Variants in TRIM37 observed in about 807,000 individuals in gnomAD.
The protein encoded by TRIM37 is E3 ubiquitin-protein ligase TRIM37.
In TRIM37, 80 loss-of-function variants were observed where a neutral mutation model predicts 129.8. That is an observed-to-expected ratio of 0.62 (90% CI 0.51 to 0.74). TRIM37 has a LOEUF of 0.74. Among genes scored for constraint, TRIM37 ranks in the 30% least tolerant of loss-of-function variants. The pLI is 0.00. For missense variants in TRIM37, 1,054 were observed against 1,176.5 expected (o/e 0.90, Z 1.52); for synonymous variants, 389 against 387.1 (o/e 1.00, Z -0.06).
intron 24 of TRIM37, among the ~76,000 whole-genome samples, chr17:58,992,297 TTATATATA>T (rs1242834616): frequency 1.5e-5 from 2 of 134,010 alleles, no homozygotes; most frequent in Admixed American, 1.6e-4. Flanking sequence ...TTATATATAT[TTATATATA>T]TATAAATACA....
At chr17:59,007,525 C>T (rs1211223376) in intron 22 of TRIM37, among the ~76,000 whole-genome samples, 1 of 151,966 alleles carries the variant, frequency 6.6e-6, no homozygotes, top group Non-Finnish European at 1.5e-5. Flanking sequence ...TTTTGAGTAC[C>T]CCTGATTTAA....
chr17:59,049,290 T>G lies in TRIM37; in HGVS notation c.1418A>C (p.Lys473Thr), dbSNP rs2040123645. ...AAGCATGTCAGAGCATGCAGACTTC[T>G]TAGCTCGTGTCTCCAGAGCATCATC... Reference protein sequence around the residue: ...QNDDALETRAKKSACSDMLLE... With the variant: ...QNDDALETRATKSACSDMLLE... Residue 473 changes from lysine (K) to threonine (T), a missense_variant, in exon 15 of 24, where the codon AAG becomes ACG. Around this residue, in one of 3 missense-constraint regions of TRIM37, gnomAD observed 752 missense variants for 870.8 expected, o/e 0.86. Transcript: ENST00000262294. 2 of 1,614,068 alleles carry G rather than the reference T, an allele frequency of 1.2e-6. No homozygotes were observed. Among genetic ancestry groups the G allele is most frequent in the African/African-American group, 2.7e-5 (2 of 74,920 alleles).
At chr17:58,981,149 A>G, downstream of TRIM37, 1 of 699,726 alleles carries the variant, frequency 1.4e-6, no homozygotes. Context: ...GGATGGCTCA[A>G]TTCTTAAATG....
intron 9 of TRIM37, among the ~76,000 whole-genome samples, chr17:59,069,568 G>C (rs1465176843): frequency 6.6e-6 from 1 of 152,066 alleles, no homozygotes; most frequent in African/African-American, 2.4e-5. Context: ...GATAAAGTCT[G>C]TCACACCAAA....
chr17:59,003,632 C>A (rs1244032152), intron 22 of TRIM37, among the ~76,000 whole-genome samples: 1 of 147,336 alleles, frequency 6.8e-6, no homozygotes, highest in African/African-American at 2.5e-5. Context: ...TAAAACAAGA[C>A]CCAGAGTCTT....
downstream of TRIM37, chr17:58,981,653 T>C (rs533480337): frequency 6.5e-6 from 1 of 152,768 alleles, no homozygotes; most frequent in Non-Finnish European, 1.5e-5. Context: ...ATTTACGGAT[T>C]TTTTTCCTGT....
At position 58,998,274 on chromosome 17, in the gene TRIM37, T is replaced by A; in HGVS notation, c.*1103A>T. 1.0e-6 allele frequency: 1 copy of A among 985,446 alleles called. No homozygotes were observed. Among genetic ancestry groups the A allele is most frequent in the Non-Finnish European group, 1.2e-6 (1 of 829,940 alleles). The allele number at this position is 985,446 out of a possible 1,614,324, so 61.0% of individuals were successfully genotyped here. A position where few individuals can be genotyped will look rare whatever the true frequency, so the allele number is the denominator to read the frequency against. On this transcript the variant is annotated 3_prime_UTR_variant, in exon 24 of 24. Coordinates refer to ENST00000262294, the MANE Select transcript of TRIM37 (RefSeq NM_015294.6). ...AAAAGTAAACTATGAGTCACAGCATTCAGCAAGACATCAGACACGGAAGAG... is the reference window on the plus strand; with the variant it reads ...AAAAGTAAACTATGAGTCACAGCATACAGCAAGACATCAGACACGGAAGAG...
chr17:59,020,502 A>G (rs1395157330), intron 19 of TRIM37, among the ~76,000 whole-genome samples: 1 of 152,092 alleles, frequency 6.6e-6, no homozygotes, highest in African/African-American at 2.4e-5. Context: ...ATATCAATAA[A>G]TTTAAAGACC....
intron 13 of TRIM37, among the ~76,000 whole-genome samples, chr17:59,053,144 T>C (rs2040510019): frequency 6.6e-6 from 1 of 152,182 alleles, no homozygotes; most frequent in Non-Finnish European, 1.5e-5. Flanking sequence ...TTTGAATGAT[T>C]TAAACCACTG....
the TRIM37 span, among the ~76,000 whole-genome samples, chr17:58,974,159 C>A: frequency 6.6e-6 from 1 of 151,986 alleles, no homozygotes; most frequent in Admixed American, 6.6e-5. Context: ...TAGTGTTTCT[C>A]ATTTCATTGC....
chr17:59,017,163 CA>C, intron 20 of TRIM37, 132 bp downstream of exon 20: 8 of 1,212,388 alleles, frequency 6.6e-6, no homozygotes, highest in East Asian at 2.4e-5. Flanking sequence ...GACCCTGTTT[CA>C]AAAAAAGAAA....
the TRIM37 span, among the ~76,000 whole-genome samples, chr17:58,976,852 A>G: frequency 6.6e-6 from 1 of 152,190 alleles, no homozygotes; most frequent in Non-Finnish European, 1.5e-5. Flanking sequence ...TTTTGGGAAC[A>G]GTGTGACTCA....
chr17:59,024,169 G>A (rs1002084770), intron 19 of TRIM37, among the ~76,000 whole-genome samples: 4 of 133,658 alleles, frequency 3.0e-5, no homozygotes, highest in South Asian at 2.3e-4. Context: ...AGCCGAGATC[G>A]CCCCATCGCA....
At chr17:59,004,236 T>G (rs1395754307) in intron 22 of TRIM37, among the ~76,000 whole-genome samples, 2 of 152,126 alleles carry the variant, frequency 1.3e-5, no homozygotes, top group African/African-American at 4.8e-5. Flanking sequence ...GGAAAAAAGT[T>G]GAAAATTTTG....
intron 19 of TRIM37, among the ~76,000 whole-genome samples, chr17:59,025,046 T>C (rs2145412092): frequency 6.6e-6 from 1 of 152,330 alleles, no homozygotes; most frequent in African/African-American, 2.4e-5. Flanking sequence ...TGCGTTTTTG[T>C]ATGTCCAAAA....
Position 59,081,163 on chromosome 17 carries a change from T to C in TRIM37, c.426A>G (p.Lys142=), listed in dbSNP as rs759201968. Residue 142 remains lysine (K), a synonymous_variant, in exon 6 of 24, where the codon AAA becomes AAG. Transcript: ENST00000262294. Reference sequence around the variant, plus strand: ...GAAGTTTGGCTACCTCTTCATTCACTTTAGTGACGTGTTGCTCATAAATTT... The same window carrying C: ...GAAGTTTGGCTACCTCTTCATTCACCTTAGTGACGTGTTGCTCATAAATTT... ...LAEIYEQHVT[K]VNEEVAKLRR... The C allele has an allele frequency of 1.2e-6, 2 of 1,613,982 alleles. No individual in the cohort carries two copies. Among genetic ancestry groups the C allele is most frequent in the Non-Finnish European group, 1.7e-6 (2 of 1,179,936 alleles).
intron 24 of TRIM37, among the ~76,000 whole-genome samples, chr17:58,989,045 A>G (rs1394667794): frequency 6.6e-6 from 1 of 152,218 alleles, no homozygotes; most frequent in African/African-American, 2.4e-5. Flanking sequence ...ATCTTGTCCT[A>G]TGTGAGATGT....
chr17:58,998,134 C>T (rs1287187913), downstream of TRIM37: 8 of 818,576 alleles, frequency 9.8e-6, no homozygotes, highest in Non-Finnish European at 1.2e-5. Flanking sequence ...CTTCTCTACA[C>T]TACTAATGAG....
chr17:59,061,061 C>G lies in TRIM37; in HGVS notation c.990G>C (p.Glu330Asp). The stretch of plus-strand genomic sequence containing the variant: ...AAGTTTCAGGCAAGCCAGCTGAGAG[C>G]TCCAGAAACACAGATAAGTAGTAAC... ...VRGYYLSVFL[E>D]LSAGLPETSK... The change falls in exon 12 of 24, where the codon GAG becomes GAC. Residue 330 changes from glutamate to aspartate, a missense_variant. Around this residue, in one of 3 missense-constraint regions of TRIM37, gnomAD observed 752 missense variants for 870.8 expected, o/e 0.86. Transcript: ENST00000262294. 1 of 1,613,604 alleles carries G rather than the reference C, an allele frequency of 6.2e-7. No individual in the cohort carries two copies. Among genetic ancestry groups the G allele is most frequent in the Non-Finnish European group, 8.5e-7 (1 of 1,179,726 alleles).
Sources: allele counts gnomAD v4.1 joint callset (sites outside exome capture counted in the v4.1 genomes callset), GRCh38; gene constraint gnomAD v4.1.1; regional missense constraint gnomAD v4.1.1; transcripts MANE v1.5; gene names NCBI Gene and HGNC (gene_info 2026-07-23, HGNC 2026-07-21).